Variants in SRSF12 observed in about 807,000 individuals in gnomAD.
The protein encoded by SRSF12 is serine/arginine-rich splicing factor 12.
Under a neutral mutation model 34.1 loss-of-function variants are expected in SRSF12, and 21 were observed. The ratio of observed to expected loss-of-function variants is 0.62; its 90% CI spans 0.44 to 0.89. SRSF12 has a LOEUF of 0.89. Among genes scored for constraint, SRSF12 ranks in the 40% least tolerant of loss-of-function variants. The pLI, the probability that SRSF12 is intolerant of heterozygous loss-of-function variation, is 0.00. For synonymous variants in SRSF12, 111 were observed against 110.8 expected, an observed-to-expected ratio of 1.00 and a Z score of -0.01; for missense variants, 278 against 327.8, an observed-to-expected ratio of 0.85 and a Z score of 1.17.
intron 4 of SRSF12, among the ~76,000 whole-genome samples, chr6:89,102,611 A>G (rs563394479): frequency 3.3e-5 from 5 of 152,356 alleles, no homozygotes; most frequent in African/African-American, 7.2e-5. Context: ...GAAGGACGCT[A>G]TAATATATTT....
intron 4 of SRSF12, among the ~76,000 whole-genome samples, chr6:89,103,991 C>CTTTTTTTTTTTTTTTTTTTTTTTTT (rs55760020): frequency 1.2e-5 from 1 of 81,950 alleles, no homozygotes; most frequent in Admixed American, 1.6e-4. Context: ...TATTATATTT[C>CTTTTTTTTTTTTTTTTTTTTTTTTT]TTTTTTTTTT....
chr6:89,098,767 T>G lies in SRSF12; in HGVS notation c.597A>C (p.Ser199=), dbSNP rs1231722045. 1.2e-6 allele frequency: 2 copies of G among 1,613,988 alleles called. No homozygotes were observed. Among genetic ancestry groups the G allele is most frequent in the Non-Finnish European group, 1.7e-6 (2 of 1,179,894 alleles). Residue 199 remains serine (S), a synonymous_variant, in exon 5 of 5, where the codon TCA becomes TCC. Transcript: ENST00000452027. ...SKSIGKSQSS[S]PQKQTSSGTK... ...TTCCTGAGCTAGTCTGCTTTTGAGGTGAACTTGACTGTGATTTTCCTATTG... is the reference window on the plus strand; with the variant it reads ...TTCCTGAGCTAGTCTGCTTTTGAGGGGAACTTGACTGTGATTTTCCTATTG...
At chr6:89,106,573 A>C (rs1239419685) in intron 2 of SRSF12, 3 of 160,320 alleles carry the variant, frequency 1.9e-5, no homozygotes, top group Non-Finnish European at 2.8e-5. Flanking sequence ...GAAATTAGCT[A>C]TATAAAAATA....
intron 1 of SRSF12, among the ~76,000 whole-genome samples, chr6:89,115,647 T>TTTTTTTTTTC (rs1769258682): frequency 7.8e-6 from 1 of 128,976 alleles, no homozygotes; most frequent in Non-Finnish European, 1.7e-5. Context: ...TTTTTTTTTT[T>TTTTTTTTTTC]TTTTTTGAGA....
rs1768728074 is a variant in SRSF12, at chr6:89,105,147, T to A, written c.388A>T (p.Asn130Tyr). 1 of 1,612,708 alleles carries A rather than the reference T, an allele frequency of 6.2e-7. No homozygotes were observed. The highest frequency in any genetic ancestry group is 1.3e-5 in the African/African-American group (1 of 74,900). ...TTAAGGCTGTCTGACCGCCTCCTAT[T>A]TCTTCCCCATGAAGAACTTCTACTT... ...TRSRSSSWGR[N>Y]RRRSDSLKES... Residue 130 changes from asparagine to tyrosine, a missense_variant, in exon 4 of 5, where the codon AAT becomes TAT. Coordinates refer to ENST00000452027, the MANE Select transcript of SRSF12 (RefSeq NM_080743.5).
rs1768287329 is a variant in SRSF12 at position 89,096,359 on chromosome 6, CAAAAGT to C, written c.*2213_*2218del. On this transcript the variant is annotated 3_prime_UTR_variant, in exon 5 of 5. Coordinates refer to ENST00000452027, the MANE Select transcript of SRSF12 (RefSeq NM_080743.5). ...TGTCTGTAGTGGTACTAGGTTGGCG[CAAAAGT>C]AATTGCGGGATATTTACCTCATAAG... 6.6e-6 allele frequency: 1 copy of C among 152,096 alleles called. No individual in the cohort carries two copies. The highest frequency in any genetic ancestry group is 2.1e-4 in the South Asian group (1 of 4,826). 9.4% of individuals were successfully genotyped at this position (152,096 alleles called of 1,614,324 possible).
chr6:89,105,714 A>C (rs900389822), intron 2 of SRSF12, 184 bp from the exon 3 acceptor site: 5 of 406,940 alleles, frequency 1.2e-5, no homozygotes, highest in African/African-American at 1.0e-4. Context: ...CAAATGACCC[A>C]TTATGTTTAG....
chr6:89,099,203 T>G lies in SRSF12; in HGVS notation c.417-256A>C, dbSNP rs550024015. 9.1e-4 allele frequency among the ~76,000 whole-genome samples: 139 copies of G among 151,978 alleles called. 1 individual carries two copies. The highest frequency in any genetic ancestry group is 3.1e-3 in the African/African-American group (130 of 41,460). ...TAGGGATCAGTTCTGAAAAATACACTGCATATTTGGTCTGAGTTATACAGC... is the reference window on the plus strand; with the variant it reads ...TAGGGATCAGTTCTGAAAAATACACGGCATATTTGGTCTGAGTTATACAGC... On this transcript the variant is annotated intron_variant, in intron 4 of 4. Transcript: ENST00000452027.
At position 89,097,580 on chromosome 6, in the gene SRSF12, C is replaced by T. The variant is rs1252599768; in HGVS notation, c.*998G>A. On this transcript the variant is annotated 3_prime_UTR_variant, in exon 5 of 5. Transcript: ENST00000452027. ...TGTTGCCCAGGCTGGTCTCAATCTC[C>T]TGGCCTCAAGCAATCTGCCCGCCTC... 6.6e-6 allele frequency: 1 copy of T among 151,984 alleles called. No homozygotes were observed. The highest frequency in any genetic ancestry group is 1.5e-5 in the Non-Finnish European group (1 of 68,022). The allele number at this position is 151,984 out of a possible 1,614,324, so 9.4% of individuals were successfully genotyped here.
At chr6:89,101,244 C>G (rs191087498) in intron 4 of SRSF12, among the ~76,000 whole-genome samples, 1 of 152,082 alleles carries the variant, frequency 6.6e-6, no homozygotes, top group Admixed American at 6.5e-5. Flanking sequence ...TACAGTCACA[C>G]AAGCCAGAGG....
chr6:89,101,473 G>A (rs1423743717), intron 4 of SRSF12, among the ~76,000 whole-genome samples: 1 of 152,094 alleles, frequency 6.6e-6, no homozygotes, highest in East Asian at 1.9e-4. Context: ...TGTCATCCCA[G>A]CACTTTGGGA....
At chr6:89,117,781 G>A (rs368228595) in intron 1 of SRSF12, 42 bp downstream of exon 1, 16 of 1,519,376 alleles carry the variant, frequency 1.1e-5, no homozygotes, top group Middle Eastern at 1.9e-4. Flanking sequence ...CTGTTACCCC[G>A]CCCCTCCTCC....
intron 4 of SRSF12, among the ~76,000 whole-genome samples, chr6:89,104,276 G>A (rs149851385): frequency 0.023 from 3,224 of 138,178 alleles, 71 homozygotes; most frequent in African/African-American, 0.068. Context: ...TCGCTCTGTC[G>A]CTCAGGCTGG....
intron 1 of SRSF12, among the ~76,000 whole-genome samples, chr6:89,116,062 T>C (rs1769280619): frequency 6.6e-6 from 1 of 152,250 alleles, no homozygotes; most frequent in African/African-American, 2.4e-5. Context: ...GATGTCTACA[T>C]GGCAGCTGTC....
At chr6:89,102,550 G>A (rs1472897805) in intron 4 of SRSF12, among the ~76,000 whole-genome samples, 1 of 151,768 alleles carries the variant, frequency 6.6e-6, no homozygotes, top group Non-Finnish European at 1.5e-5. Context: ...GACAGCTGTA[G>A]GAAGCAAAAT....
chr6:89,116,964 T>C (rs1183233447), intron 1 of SRSF12, among the ~76,000 whole-genome samples: 1 of 151,142 alleles, frequency 6.6e-6, no homozygotes, highest in Non-Finnish European at 1.5e-5. Flanking sequence ...CAGTACTGCA[T>C]AGGTAGAAAG....
At chr6:89,106,183 C>T (rs373592647) in intron 2 of SRSF12, among the ~76,000 whole-genome samples, 2 of 152,266 alleles carry the variant, frequency 1.3e-5, no homozygotes, top group African/African-American at 2.4e-5. Flanking sequence ...TGCAATGGCG[C>T]GATCTCAGCT....
Position 89,098,597 on chromosome 6 carries a change from C to A in SRSF12, c.767G>T (p.Arg256Leu). Residue 256 changes from arginine to leucine, a missense_variant, in exon 5 of 5, where the codon CGT becomes CTT. Physicochemically the swap from Arg to Leu is moderately radical, Grantham distance 102. Coordinates refer to ENST00000452027, the MANE Select transcript of SRSF12 (RefSeq NM_080743.5). Reference protein sequence around the residue: ...FRSHSRSRSYRHKNSW With the variant: ...FRSHSRSRSYLHKNSW Reference sequence around the variant, plus strand: ...TGCTGTTCACCAACTGTTTTTATGACGATAACTTCGAGATCTGGAATGTGA... The same window carrying A: ...TGCTGTTCACCAACTGTTTTTATGAAGATAACTTCGAGATCTGGAATGTGA... 1 of 1,611,122 alleles carries A rather than the reference C, an allele frequency of 6.2e-7. No homozygotes were observed. Among genetic ancestry groups the A allele is most frequent in the Non-Finnish European group, 8.5e-7 (1 of 1,177,776 alleles).
chr6:89,098,154 T>G lies in SRSF12; in HGVS notation c.*424A>C, dbSNP rs1299570866. On this transcript the variant is annotated 3_prime_UTR_variant, in exon 5 of 5. Coordinates refer to ENST00000452027, the MANE Select transcript of SRSF12 (RefSeq NM_080743.5). ...ACAGAAGACACAAAAGAGACATAGG[T>G]GTCAAACAGCTTAAGTCTGCTCTAT... 6.5e-6 allele frequency: 1 copy of G among 153,016 alleles called. No individual in the cohort carries two copies. The highest frequency in any genetic ancestry group is 1.5e-5 in the Non-Finnish European group (1 of 68,678). 9.5% of individuals were successfully genotyped at this position (153,016 alleles called of 1,614,324 possible). A position where few individuals can be genotyped will look rare whatever the true frequency, so the allele number is the denominator to read the frequency against.
Sources: allele counts gnomAD v4.1 joint callset (sites outside exome capture counted in the v4.1 genomes callset), GRCh38; gene constraint gnomAD v4.1.1; transcripts MANE v1.5; gene names NCBI Gene and HGNC (gene_info 2026-07-23, HGNC 2026-07-21).